RXRA: variants seen among roughly 807,000 people sequenced by gnomAD.
RXRA encodes the protein retinoic acid receptor RXR-alpha.
Under a neutral mutation model 44.5 loss-of-function variants are expected in RXRA, and 5 were observed. The ratio of observed to expected loss-of-function variants is 0.11; its 90% confidence interval spans 0.06 to 0.24. The LOEUF (loss-of-function observed/expected upper bound fraction) is 0.24, where lower values mean the gene tolerates loss of function less well. Among genes scored for constraint, RXRA ranks in the 10% least tolerant of loss-of-function variants. The pLI, the probability that RXRA is intolerant of heterozygous loss-of-function variation, is 1.00. For missense variants in RXRA, 412 were observed against 646.5 expected (o/e 0.64, Z 3.93); for synonymous variants, 291 against 271.4 (o/e 1.07, Z -0.71).
chr9:134,409,619 C>G (rs907248624), intron 4 of RXRA, among the ~76,000 whole-genome samples: 1 of 152,214 alleles, frequency 6.6e-6, no homozygotes, highest in Admixed American at 6.5e-5. Context: ...CCAAAATTGT[C>G]AAGTCATCCA....
At chr9:134,374,891 G>A (rs1267945986) in intron 1 of RXRA, among the ~76,000 whole-genome samples, 1 of 152,196 alleles carries the variant, frequency 6.6e-6, no homozygotes, top group Admixed American at 6.5e-5. Flanking sequence ...ACCTGGTCCC[G>A]CTATCCTGTA....
intron 1 of RXRA, among the ~76,000 whole-genome samples, chr9:134,355,924 G>T (rs1002800799): frequency 6.6e-6 from 1 of 152,114 alleles, no homozygotes; most frequent in Non-Finnish European, 1.5e-5. Context: ...CTGCGCCCAG[G>T]TGTCAGACAA....
intron 1 of RXRA, among the ~76,000 whole-genome samples, chr9:134,341,411 C>T (rs1294452164): frequency 6.6e-6 from 1 of 152,150 alleles, no homozygotes; most frequent in African/African-American, 2.4e-5. Flanking sequence ...CTGGGAGGAA[C>T]CTGGAGCCGA....
At chr9:134,394,880 C>T (rs947352390) in intron 1 of RXRA, among the ~76,000 whole-genome samples, 2 of 152,098 alleles carry the variant, frequency 1.3e-5, no homozygotes, top group Non-Finnish European at 2.9e-5. Flanking sequence ...GAGGGAGAGG[C>T]CAGTGTTTGG....
intron 1 of RXRA, among the ~76,000 whole-genome samples, chr9:134,370,138 T>C (rs1183133671): frequency 2.6e-5 from 4 of 152,202 alleles, no homozygotes; most frequent in Admixed American, 2.6e-4. Flanking sequence ...GGTCTTCTGA[T>C]GTCCCGGGTC....
In RXRA at chr9:134,365,956, C is replaced by T. The variant is rs2119070815; in HGVS notation, c.29-35676C>T. Among the ~76,000 whole-genome samples, 1 of 152,228 alleles carries T rather than the reference C, an allele frequency of 6.6e-6. No homozygotes were observed. Among genetic ancestry groups the T allele is most frequent in the South Asian group, 2.1e-4 (1 of 4,822 alleles). ...GTTGTGGCTGCCTCCAGTCAGGCGT[C>T]CGCTGAGCGACCCCTAGGAGCCGCC... On this transcript the variant is annotated intron_variant, in intron 1 of 9. Coordinates refer to ENST00000481739, the MANE Select transcript of RXRA (RefSeq NM_002957.6). This position sits in a 1 kb window ranked among gnomAD's most constrained non-coding sequence, Gnocchi z 4.0.
rs1208985251 is a variant in RXRA at position 134,401,704 on chromosome 9, A to G, written c.101A>G (p.His34Arg). ...GRGSMAAPSL[H>R]PSLGPGIGSP... ...GGCTCCATGGCTGCCCCCTCGCTGC[A>G]CCCGTCCCTGGGGCCTGGCATCGGC... Residue 34 changes from histidine (H) to arginine (R), a missense_variant, in exon 2 of 10, where the codon CAC (histidine) becomes CGC (arginine). Physicochemically the swap from His to Arg is conservative, Grantham distance 29 (BLOSUM62 0). This residue lies in a region of RXRA where 156 missense variants were observed against 177.2 expected (regional missense o/e 0.88). Transcript: ENST00000481739. 1 of 1,612,728 alleles carries G rather than the reference A, an allele frequency of 6.2e-7. No individual in the cohort carries two copies.
chr9:134,394,261 C>T (rs112935160), intron 1 of RXRA, among the ~76,000 whole-genome samples: 4,961 of 56,170 alleles, frequency 0.088, 387 homozygotes, highest in African/African-American at 0.24. Flanking sequence ...GTGATGATGA[C>T]GGTGATGTTG....
At chr9:134,414,115 T>C (rs993808438) in intron 4 of RXRA, among the ~76,000 whole-genome samples, 2 of 152,208 alleles carry the variant, frequency 1.3e-5, no homozygotes, top group African/African-American at 4.8e-5. Flanking sequence ...CCCCAGCCTA[T>C]AAATAAAGCG....
In RXRA at chr9:134,349,511, C is replaced by T. The variant is rs976763617; in HGVS notation, c.28+22852C>T. Reference sequence around the variant, plus strand: ...TGGCAGTGGTGCTGCGGGGGTGGCTCGGCCCTGAAGCTCGTGGCGGGCAGG... The same window carrying T: ...TGGCAGTGGTGCTGCGGGGGTGGCTTGGCCCTGAAGCTCGTGGCGGGCAGG... On this transcript the variant is annotated intron_variant, in intron 1 of 9. Transcript: ENST00000481739. This position sits in a 1 kb window ranked among gnomAD's most constrained non-coding sequence, Gnocchi z 4.3. 2.6e-5 allele frequency among the ~76,000 whole-genome samples: 4 copies of T among 152,082 alleles called. No homozygotes were observed. The highest frequency in any genetic ancestry group is 4.8e-5 in the African/African-American group (2 of 41,406).
chr9:134,348,812 C>T (rs979242054), intron 1 of RXRA, among the ~76,000 whole-genome samples: 2 of 139,234 alleles, frequency 1.4e-5, no homozygotes, highest in Non-Finnish European at 3.1e-5. Flanking sequence ...CGCTGGACGT[C>T]GAGGTGGGTG....
In RXRA at chr9:134,366,883, C is replaced by G. The variant is rs186771607; in HGVS notation, c.29-34749C>G. On this transcript the variant is annotated intron_variant, in intron 1 of 9. Transcript: ENST00000481739. The surrounding 1 kb of genome is among the most constrained non-coding windows in gnomAD (Gnocchi z 5.9). ...TCCCAGTCGGAACGTGGTGGAAAGG[C>G]GCCAGGCAGGCTGAGTCGGAGATGT... Among the ~76,000 whole-genome samples the G allele has an allele frequency of 6.6e-6, 1 of 152,126 alleles. No homozygotes were observed. The highest frequency in any genetic ancestry group is 6.5e-5 in the Admixed American group (1 of 15,276).
At chr9:134,367,582 C>T (rs1259047260) in intron 1 of RXRA, among the ~76,000 whole-genome samples, 3 of 152,256 alleles carry the variant, frequency 2.0e-5, no homozygotes, top group Non-Finnish European at 4.4e-5. Flanking sequence ...GCTCCTGGCC[C>T]CTCGGCCAAG....
intron 1 of RXRA, among the ~76,000 whole-genome samples, chr9:134,358,493 G>A (rs1487014627): frequency 6.6e-6 from 1 of 152,182 alleles, no homozygotes; most frequent in African/African-American, 2.4e-5. Flanking sequence ...CAGTAGCTGA[G>A]CCTGTGCAGT....
intron 1 of RXRA, chr9:134,379,394 G>A: frequency 1.0e-6 from 1 of 987,498 alleles, no homozygotes; most frequent in Non-Finnish European, 1.2e-6. Context: ...GCTGCTTCTG[G>A]GGCACCCTGA....
chr9:134,408,792 C>G (rs1003967505), intron 3 of RXRA, 148 bp from the exon 4 acceptor site: 3 of 718,502 alleles, frequency 4.2e-6, no homozygotes, highest in African/African-American at 1.8e-5. Context: ...AGGCTGGGGC[C>G]CAGTCTGAGC....
intron 6 of RXRA, among the ~76,000 whole-genome samples, chr9:134,428,659 C>T (rs1831478004): frequency 6.6e-6 from 1 of 152,232 alleles, no homozygotes; most frequent in South Asian, 2.1e-4. Context: ...CTCTCACGCA[C>T]CTGCCTTCAG....
At chr9:134,326,721 GGGCCGGGGGCGCGTTGGC>G (rs1291986106) in intron 1 of RXRA, 62 bp downstream of exon 1, 30 of 349,602 alleles carry the variant, frequency 8.6e-5, no homozygotes, top group Non-Finnish European at 1.1e-4. Flanking sequence ...GGGCGGGAGG[GGGCCGGGGGCGCGTTGGC>G]GGCGCGCGCG....
intron 1 of RXRA, among the ~76,000 whole-genome samples, chr9:134,331,862 TG>T (rs1835011549): frequency 6.6e-6 from 1 of 152,192 alleles, no homozygotes; most frequent in Non-Finnish European, 1.5e-5. Context: ...CTGCTGCCCC[TG>T]GTCCTCCTGC....
Sources: gnomAD v4.1 joint callset for allele counts (sites outside exome capture counted in the v4.1 genomes callset) on GRCh38, gnomAD v4.1.1 for gene constraint, gnomAD v4.1.1 regional missense constraint, Gnocchi (gnomAD v3.1) non-coding constraint, MANE v1.5 for transcripts, NCBI Gene and HGNC (gene_info 2026-07-23, HGNC 2026-07-21) for gene names.